The following GRIN2B variants were observed in gnomAD, a reference collection of about 807,000 sequenced individuals.
GRIN2B encodes glutamate receptor ionotropic, NMDA 2B.
GRIN2B carries 5 observed loss-of-function variants against 114.5 expected under a neutral mutation model. That is an observed-to-expected ratio of 0.04 (90% CI 0.02 to 0.09). The LOEUF (loss-of-function observed/expected upper bound fraction) is 0.09. Ranked by LOEUF, GRIN2B falls within the 10% of genes least tolerant of loss-of-function variation. The probability of loss-of-function intolerance (pLI) is 1.00; values close to 1 mark genes in which losing one functional copy is unlikely to be tolerated. For synonymous variants in GRIN2B, 787 were observed against 745.1 expected, an observed-to-expected ratio of 1.06 and a Z score of -0.92; for missense variants, 1,108 against 1,943.5, an observed-to-expected ratio of 0.57 and a Z score of 8.08.
chr12:13,906,024 G>C (rs556089056), intron 2 of GRIN2B, among the ~76,000 whole-genome samples: 3 of 152,282 alleles, frequency 2.0e-5, no homozygotes, highest in East Asian at 3.9e-4. Flanking sequence ...GCCATGAAAA[G>C]TGCAGCTTAA....
Position 13,609,957 on chromosome 12 carries a change from T to C in GRIN2B, c.1781-1125A>G, listed in dbSNP as rs564079278. The C allele has an allele frequency of 7.2e-5, 11 of 152,318 alleles. 1 individual carries two copies. Among genetic ancestry groups the C allele is most frequent in the Non-Finnish European group, 1.2e-4 (8 of 68,038 alleles). The allele number at this position is 152,318 out of a possible 1,614,324, so 9.4% of individuals were successfully genotyped here. On this transcript the variant is annotated intron_variant, in intron 9 of 13. Coordinates refer to ENST00000609686, the MANE Select transcript of GRIN2B (RefSeq NM_000834.5). ...TATTGTGACCTCACTGCAATCTCTA[T>C]TTGCTGATGGTAAAATCTTGCCTGT...
rs1362544984 is a variant in GRIN2B, at chr12:13,567,215, T to C, written c.2408A>G (p.Asn803Ser). Residue 803 changes from asparagine to serine, a missense_variant, in exon 13 of 14, where the codon AAT (asparagine) becomes AGT (serine). Around this residue, in one of 19 missense-constraint regions of GRIN2B, gnomAD observed 35 missense variants for 194.7 expected, o/e 0.18. Transcript: ENST00000609686. ...GCTGCTCATGACCTCATTCTTCTCA[T>C]TGTGACAAATGCCAGTGAGCCAGAG... ...EALWLTGICHNEKNEVMSSQL... is the reference protein window; with the variant it reads ...EALWLTGICHSEKNEVMSSQL... 1.2e-6 allele frequency: 2 copies of C among 1,614,068 alleles called. No homozygotes were observed. Among genetic ancestry groups the C allele is most frequent in the Admixed American group, 1.7e-5 (1 of 60,008 alleles).
At position 13,767,258 on chromosome 12, in the gene GRIN2B, C is replaced by CAA. The variant is rs34462939; in HGVS notation, c.412-13345_412-13344dup. Among the ~76,000 whole-genome samples the CAA allele has an allele frequency of 6.0e-3, 589 of 97,618 alleles. 16 individuals carry two copies. The highest frequency in any genetic ancestry group is 0.02 in the African/African-American group (501 of 24,926). 64.0% of individuals were successfully genotyped at this position (97,618 alleles called of 152,430 possible). On this transcript the variant is annotated intron_variant, in intron 3 of 13. Coordinates refer to ENST00000609686, the MANE Select transcript of GRIN2B (RefSeq NM_000834.5). ...CTGTGCGAAAGTACAGACTCTGTCT[C>CAA]AAAAAAAAAAAAAAAAAAAAAGTAT...
intron 13 of GRIN2B, among the ~76,000 whole-genome samples, chr12:13,566,386 C>G (rs1423735601): frequency 1.3e-5 from 2 of 152,134 alleles, no homozygotes; most frequent in Non-Finnish European, 2.9e-5. Flanking sequence ...TCCCTGTGAC[C>G]TGTTCATACA....
At chr12:13,624,120 G>A (rs749817865) in intron 5 of GRIN2B, among the ~76,000 whole-genome samples, 4 of 151,998 alleles carry the variant, frequency 2.6e-5, no homozygotes, top group Non-Finnish European at 4.4e-5. Flanking sequence ...TAATTTTGTG[G>A]GTCAACCTCT....
intron 4 of GRIN2B, among the ~76,000 whole-genome samples, chr12:13,692,603 T>C (rs911159253): frequency 1.3e-5 from 2 of 151,906 alleles, no homozygotes; most frequent in African/African-American, 2.4e-5. Context: ...TGAGCAAGTA[T>C]GGGTGTGTGT....
intron 2 of GRIN2B, among the ~76,000 whole-genome samples, chr12:13,947,416 A>G (rs1867381185): frequency 6.6e-6 from 1 of 152,198 alleles, no homozygotes; most frequent in African/African-American, 2.4e-5. Context: ...TGGTCCAGCA[A>G]GCAGCAAAAC....
At chr12:13,874,400 G>T (rs1207609625) in intron 2 of GRIN2B, among the ~76,000 whole-genome samples, 3 of 152,192 alleles carry the variant, frequency 2.0e-5, no homozygotes, top group Admixed American at 6.5e-5. Flanking sequence ...TTACATGTGT[G>T]CATTTTAATA....
intron 12 of GRIN2B, among the ~76,000 whole-genome samples, chr12:13,567,841 G>T (rs1333618106): frequency 6.6e-6 from 1 of 152,080 alleles, no homozygotes; most frequent in Non-Finnish European, 1.5e-5. Context: ...GAATAAAAAA[G>T]AGTGATGTAA....
At chr12:13,670,111 A>C (rs150337620) in intron 5 of GRIN2B, among the ~76,000 whole-genome samples, 4 of 151,980 alleles carry the variant, frequency 2.6e-5, no homozygotes, top group Non-Finnish European at 5.9e-5. Context: ...CCTGAGTACT[A>C]TCATGGGTTC....
Position 13,862,134 on chromosome 12 carries a change from A to G in GRIN2B, c.411+3664T>C, listed in dbSNP as rs1865762260. 3.3e-5 allele frequency among the ~76,000 whole-genome samples: 5 copies of G among 152,054 alleles called. No individual in the cohort carries two copies. The South Asian group carries it at 1.0e-3, about 32-fold the overall frequency. On this transcript the variant is annotated intron_variant, in intron 3 of 13. Coordinates refer to ENST00000609686, the MANE Select transcript of GRIN2B (RefSeq NM_000834.5). ...TCAGCTAGCCCCCGTGCTTCTTTCC[A>G]CCATAATATAAAGCTCATTTCCTCT...
intron 3 of GRIN2B, among the ~76,000 whole-genome samples, chr12:13,775,957 T>C: frequency 6.6e-6 from 1 of 152,152 alleles, no homozygotes; most frequent in Non-Finnish European, 1.5e-5. Context: ...AATCATTCTA[T>C]TATAAAGACA....
rs562070016 is a variant in GRIN2B, at chr12:13,920,500, C to T, written c.-18-54274G>A. The stretch of plus-strand genomic sequence containing the variant: ...GATATTGTTTGTTGATCCTTAGCAC[C>T]ATTCTCACATCTCTAAGCTCTCTTT... On this transcript the variant is annotated intron_variant, in intron 2 of 13. Transcript: ENST00000609686. Among the ~76,000 whole-genome samples the T allele has an allele frequency of 8.5e-5, 13 of 152,240 alleles. No individual in the cohort carries two copies. In the South Asian group the frequency reaches 2.5e-3, roughly 29 times the overall value.
chr12:13,821,665 A>G (rs1266815045), intron 3 of GRIN2B, among the ~76,000 whole-genome samples: 3 of 152,196 alleles, frequency 2.0e-5, no homozygotes, highest in African/African-American at 4.8e-5. Flanking sequence ...AATCTTGATC[A>G]TTTGGTCATT....
Position 13,554,008 on chromosome 12 carries a change from G to T in GRIN2B, c.*8775C>A, listed in dbSNP as rs1057319408. 1 of 152,164 alleles carries T rather than the reference G, an allele frequency of 6.6e-6. No individual in the cohort carries two copies. Among genetic ancestry groups the T allele is most frequent in the African/African-American group, 2.4e-5 (1 of 41,442 alleles). The allele number at this position is 152,164 out of a possible 1,614,324, so 9.4% of individuals were successfully genotyped here. A position where few individuals can be genotyped will look rare whatever the true frequency, so the allele number is the denominator to read the frequency against. ...GTAGTATATACATGTGATTGTGTGT[G>T]CAGATATATATAGAGAAACTGGGGG... On this transcript the variant is annotated 3_prime_UTR_variant, in exon 14 of 14. Transcript: ENST00000609686.
At chr12:13,781,377 C>G (rs1005579941) in intron 3 of GRIN2B, among the ~76,000 whole-genome samples, 1 of 152,122 alleles carries the variant, frequency 6.6e-6, no homozygotes, top group African/African-American at 2.4e-5. Flanking sequence ...ATTTGGGAAA[C>G]CCGGCTGTCA....
intron 4 of GRIN2B, among the ~76,000 whole-genome samples, chr12:13,695,250 A>C (rs971165): frequency 0.5 from 76,735 of 152,034 alleles, 19,919 homozygotes; most frequent in East Asian, 0.83. Flanking sequence ...TCGCTCACCT[A>C]TCCCCTTCCT....
intron 3 of GRIN2B, among the ~76,000 whole-genome samples, chr12:13,759,588 A>T (rs538174826): frequency 4.4e-4 from 67 of 152,274 alleles, no homozygotes; most frequent in African/African-American, 1.6e-3. Context: ...CCCCTCTTGT[A>T]AAAGGCAGGT....
intron 2 of GRIN2B, among the ~76,000 whole-genome samples, chr12:13,974,682 A>G (rs1231061064): frequency 6.6e-6 from 1 of 152,080 alleles, no homozygotes; most frequent in East Asian, 1.9e-4. Context: ...TTTAGATCTT[A>G]CCTAAATATA....
Sources: gnomAD v4.1 joint callset for allele counts (sites outside exome capture counted in the v4.1 genomes callset) on GRCh38, gnomAD v4.1.1 for gene constraint, gnomAD v4.1.1 regional missense constraint, MANE v1.5 for transcripts, NCBI Gene and HGNC (gene_info 2026-07-23, HGNC 2026-07-21) for gene names.